Variants in TERF2 observed in about 807,000 individuals in gnomAD.
TERF2 encodes telomeric repeat-binding factor 2.
In TERF2, 16 loss-of-function variants were observed where a neutral mutation model predicts 56.1. The ratio of observed to expected loss-of-function variants is 0.29; its 90% CI spans 0.19 to 0.43. The LOEUF is 0.43. Ranked by LOEUF, TERF2 falls within the 20% of genes least tolerant of loss-of-function variation. The pLI is 1.00. For synonymous variants in TERF2, 296 were observed against 282.1 expected, an observed-to-expected ratio of 1.05 and a Z score of -0.50; for missense variants, 547 against 712.9, an observed-to-expected ratio of 0.77 and a Z score of 2.65.
chr16:69,385,365 AGAG>A (rs2014155494), intron 2 of TERF2, 23 bp downstream of exon 2: 18 of 1,594,736 alleles, frequency 1.1e-5, no homozygotes, highest in Non-Finnish European at 1.5e-5. Context: ...AAGTAAGCCC[AGAG>A]AAGAACACAA....
At chr16:69,370,883 T>C (rs2013545658) in intron 4 of TERF2, among the ~76,000 whole-genome samples, 1 of 152,072 alleles carries the variant, frequency 6.6e-6, no homozygotes, top group Admixed American at 6.6e-5. Context: ...TTCCAAGATA[T>C]AATATTAAGT....
chr16:69,372,028 T>C (rs1483206157), intron 4 of TERF2, among the ~76,000 whole-genome samples: 2 of 152,206 alleles, frequency 1.3e-5, no homozygotes, highest in Admixed American at 6.5e-5. Flanking sequence ...TGTTCTGTTA[T>C]AAACTAGACA....
chr16:69,375,046 T>C (rs1243240439), intron 3 of TERF2, among the ~76,000 whole-genome samples: 1 of 152,210 alleles, frequency 6.6e-6, no homozygotes, highest in East Asian at 1.9e-4. Context: ...CCTTTCACTC[T>C]GTATAAGGCC....
intron 3 of TERF2, among the ~76,000 whole-genome samples, chr16:69,377,135 G>T (rs189955463): frequency 4.6e-4 from 69 of 151,068 alleles, no homozygotes; most frequent in Non-Finnish European, 8.4e-4. Flanking sequence ...CCTAGGAGAC[G>T]GAGGTTGCAG....
At chr16:69,371,936 T>A (rs572268778) in intron 4 of TERF2, among the ~76,000 whole-genome samples, 1 of 152,338 alleles carries the variant, frequency 6.6e-6, no homozygotes, top group Non-Finnish European at 1.5e-5. Context: ...TCCTCACATC[T>A]GCAGGATCAC....
chr16:69,366,619 T>C (rs573348068), intron 7 of TERF2, 188 bp downstream of exon 7: 9 of 702,916 alleles, frequency 1.3e-5, no homozygotes, highest in African/African-American at 8.9e-5. Flanking sequence ...GAAGCCCACA[T>C]GCGGGGCTTC....
intron 3 of TERF2, among the ~76,000 whole-genome samples, chr16:69,380,451 G>C (rs1452680935): frequency 6.6e-6 from 1 of 151,662 alleles, no homozygotes; most frequent in Non-Finnish European, 1.5e-5. Context: ...ATGAGGTCAG[G>C]AGTGCAAGAC....
rs372262599 is a variant in TERF2 at position 69,370,504 on chromosome 16, G to A, written c.819C>T (p.Asp273=). 1.4e-5 allele frequency: 22 copies of A among 1,614,202 alleles called. No individual in the cohort carries two copies. The South Asian group carries it at 1.5e-4, about 11-fold the overall frequency. ...GCACCGTGAGGAGGTAGGGCTCGGC[G>A]TCATCCAGGTGGCTCTCCAGGAAGC... ...MLRFLESHLD[D]AEPYLLTMAK... Residue 273 remains aspartate, a synonymous_variant, in exon 5 of 10, where the codon GAC becomes GAT. Coordinates refer to ENST00000254942, the MANE Select transcript of TERF2 (RefSeq NM_005652.5).
rs1241470218 is a variant in TERF2, at chr16:69,366,982, C to T, written c.1165G>A (p.Gly389Ser). 1 of 1,614,224 alleles carries T rather than the reference C, an allele frequency of 6.2e-7. No individual in the cohort carries two copies. Among genetic ancestry groups the T allele is most frequent in the Non-Finnish European group, 8.5e-7 (1 of 1,180,030 alleles). The change falls in exon 7 of 10, where the codon GGC (glycine) becomes AGC (serine). Residue 389 changes from glycine (G) to serine (S), a missense_variant. Coordinates refer to ENST00000254942, the MANE Select transcript of TERF2 (RefSeq NM_005652.5). ...ESSAPADGEG[G>S]SELQPKNKRM... ...TTGTTCTTGGGCTGCAGTTCCGAGC[C>T]ACCCTCACCGTCAGCCGGGGCTGAA...
intron 8 of TERF2, 163 bp downstream of exon 8, chr16:69,361,238 GAAA>G: frequency 3.5e-5 from 19 of 538,064 alleles, no homozygotes; most frequent in South Asian, 6.7e-5. Context: ...TCTGAAAAAG[GAAA>G]AAAAAAAAAA....
intron 8 of TERF2, 146 bp from the exon 9 acceptor site, chr16:69,357,707 T>G: frequency 1.1e-6 from 1 of 925,094 alleles, no homozygotes; most frequent in Non-Finnish European, 1.6e-6. Context: ...AAAGGATAAT[T>G]TACTTTTCTC....
intron 7 of TERF2, 144 bp from the exon 8 acceptor site, chr16:69,361,633 A>C: frequency 1.5e-6 from 1 of 654,316 alleles, no homozygotes; most frequent in South Asian, 1.8e-5. Flanking sequence ...GCACCTCCCA[A>C]AGCCACTGTC....
At chr16:69,361,614 C>T (rs1283520826) in intron 7 of TERF2, 125 bp from the exon 8 acceptor site, 5 of 705,500 alleles carry the variant, frequency 7.1e-6, no homozygotes, top group South Asian at 3.3e-5. Context: ...AATCGAGGTT[C>T]GCCTGCATGC....
chr16:69,385,662 G>A lies in TERF2; in HGVS notation c.310C>T (p.His104Tyr). 1 of 1,611,674 alleles carries A rather than the reference G, an allele frequency of 6.2e-7. No homozygotes were observed. Among genetic ancestry groups the A allele is most frequent in the Middle Eastern group, 1.7e-4 (1 of 6,060 alleles). ...CCCCGAAAGGCCCGCAGCGCCTCGTGGAAGTAGAACTTGAGCACCCAGCGA... is the reference window on the plus strand; with the variant it reads ...CCCCGAAAGGCCCGCAGCGCCTCGTAGAAGTAGAACTTGAGCACCCAGCGA... ...VNRWVLKFYF[H>Y]EALRAFRGSR... Residue 104 changes from histidine to tyrosine, a missense_variant, in exon 1 of 10, where the codon CAC becomes TAC. Coordinates refer to ENST00000254942, the MANE Select transcript of TERF2 (RefSeq NM_005652.5).
chr16:69,372,631 G>C (rs1236351984), intron 3 of TERF2, among the ~76,000 whole-genome samples: 1 of 152,036 alleles, frequency 6.6e-6, no homozygotes, highest in Non-Finnish European at 1.5e-5. Flanking sequence ...GCATGGTGGT[G>C]CATGCCTGTA....
chr16:69,368,687 T>G, intron 5 of TERF2: 1 of 1,246,468 alleles, frequency 8.0e-7, no homozygotes, highest in Non-Finnish European at 1.1e-6. Flanking sequence ...AACTAATACA[T>G]TTTTTTTGAG....
intron 8 of TERF2, 67 bp downstream of exon 8, chr16:69,361,337 A>C: frequency 1.8e-6 from 2 of 1,126,880 alleles, no homozygotes; most frequent in Non-Finnish European, 2.7e-6. Context: ...GAATATTAAC[A>C]TGACAGTAAC....
Position 69,385,938 on chromosome 16 carries a change from A to C in TERF2, c.34T>G (p.Ser12Ala). 2 of 1,367,950 alleles carry C rather than the reference A, an allele frequency of 1.5e-6. No individual in the cohort carries two copies. The highest frequency in any genetic ancestry group is 1.6e-5 in the South Asian group (1 of 62,504). 84.7% of individuals were successfully genotyped at this position (1,367,950 alleles called of 1,614,324 possible). ...GGGTCACGCACGACGCCCGGGCCGG[A>C]AGCGGGGCCCGCCGTCCCGGCTCCC... ...AAGAGTAGPA[S>A]GPGVVRDPAA... Residue 12 changes from serine to alanine, a missense_variant, in exon 1 of 10, where the codon TCC (serine) becomes GCC (alanine). This residue lies in a region of TERF2 where 85 missense variants were observed against 59.5 expected (regional missense o/e 1.43). Transcript: ENST00000254942.
At chr16:69,371,393 C>G (rs1169789824) in intron 4 of TERF2, among the ~76,000 whole-genome samples, 3 of 150,692 alleles carry the variant, frequency 2.0e-5, no homozygotes, top group Admixed American at 6.6e-5. Flanking sequence ...CCCAGCTACT[C>G]CAGAGGCTGA....
Sources: allele counts gnomAD v4.1 joint callset (sites outside exome capture counted in the v4.1 genomes callset), GRCh38; gene constraint gnomAD v4.1.1; regional missense constraint gnomAD v4.1.1; transcripts MANE v1.5; gene names NCBI Gene and HGNC (gene_info 2026-07-23, HGNC 2026-07-21).